The following CYP2B6 variants were observed in gnomAD, a reference collection of about 807,000 sequenced individuals.
The protein encoded by CYP2B6 is cytochrome P450 family 2 subfamily B member 6.
A neutral mutation model predicts 43.4 loss-of-function variants in CYP2B6; 35 were observed. The observed-to-expected ratio is 0.81, with a 90% CI of 0.62 to 1.07. The LOEUF (loss-of-function observed/expected upper bound fraction) is 1.07. Among genes scored for constraint, CYP2B6 ranks in the 50% least tolerant of loss-of-function variants. The probability of loss-of-function intolerance (pLI) is 0.00; values close to 1 mark genes in which losing one functional copy is unlikely to be tolerated. For synonymous variants in CYP2B6, 239 were observed against 239.2 expected, an observed-to-expected ratio of 1.00 and a Z score of 0.01; for missense variants, 624 against 632.8, an observed-to-expected ratio of 0.99 and a Z score of 0.15.
rs113314890 is a variant in CYP2B6 at position 41,015,999 on chromosome 19, T to TACACACACACACACAC, written c.1295-639_1295-624dup. 4.8e-3 allele frequency among the ~76,000 whole-genome samples: 726 copies of TACACACACACACACAC among 149,894 alleles called. 8 individuals carry two copies. The highest frequency in any genetic ancestry group is 0.016 in the African/African-American group (633 of 40,670). On this transcript the variant is annotated intron_variant, in intron 8 of 8. Transcript: ENST00000324071. The stretch of plus-strand genomic sequence containing the variant: ...GTGCTCACACTCACACATGTACAGG[T>TACACACACACACACAC]ACACACACACACACACACACACAGA...
At chr19:41,005,002 A>T (rs1420012783) in intron 3 of CYP2B6, among the ~76,000 whole-genome samples, 1 of 152,160 alleles carries the variant, frequency 6.6e-6, no homozygotes, top group African/African-American at 2.4e-5. Context: ...GTCTCAAACA[A>T]ACAAACAAAC....
chr19:40,994,424 C>A (rs1369194581), intron 1 of CYP2B6, among the ~76,000 whole-genome samples: 1 of 152,134 alleles, frequency 6.6e-6, no homozygotes, highest in Non-Finnish European at 1.5e-5. Context: ...AGGTGGGAAA[C>A]TTACTTTTTT....
intron 1 of CYP2B6, among the ~76,000 whole-genome samples, chr19:40,995,292 A>T (rs1261618572): frequency 5.7e-4 from 87 of 152,308 alleles, no homozygotes; most frequent in African/African-American, 2.1e-3. Flanking sequence ...TCTCCAACAG[A>T]CATACAGTTC....
chr19:41,007,813 A>G (rs567031801), intron 4 of CYP2B6, among the ~76,000 whole-genome samples: 2 of 151,968 alleles, frequency 1.3e-5, no homozygotes, highest in Non-Finnish European at 2.9e-5. Context: ...TTTAGTAGAG[A>G]CGGGGTTTCG....
chr19:41,004,147 A>G lies in CYP2B6; in HGVS notation c.318A>G (p.Pro106=). The G allele has an allele frequency of 7.9e-7, 1 of 1,269,816 alleles. No individual in the cohort carries two copies. The highest frequency in any genetic ancestry group is 1.0e-6 in the Non-Finnish European group (1 of 962,874). 78.7% of individuals were successfully genotyped at this position (1,269,816 alleles called of 1,614,324 possible). Residue 106 remains proline (P), a synonymous_variant, in exon 2 of 9, where the codon CCA becomes CCG. Coordinates refer to ENST00000324071, the MANE Select transcript of CYP2B6 (RefSeq NM_000767.5). ...GGGGAAAAATCGCCATGGTCGACCC[A>G]TTCTTCCGGGGATATGGTGAGAGCC... The part of the protein sequence containing the change: ...SGRGKIAMVD[P]FFRGYGVIFA...
chr19:41,002,116 T>A (rs1969100880), intron 1 of CYP2B6, among the ~76,000 whole-genome samples: 1 of 152,074 alleles, frequency 6.6e-6, no homozygotes, highest in African/African-American at 2.4e-5. Flanking sequence ...ATGTGAACCC[T>A]CAGTGGAGAC....
chr19:41,011,690 T>C (rs2144676001), intron 6 of CYP2B6, among the ~76,000 whole-genome samples: 1 of 152,312 alleles, frequency 6.6e-6, no homozygotes, highest in Non-Finnish European at 1.5e-5. Context: ...TTGAGAGGTT[T>C]GTAGCCTGGA....
intron 3 of CYP2B6, among the ~76,000 whole-genome samples, chr19:41,006,283 T>C (rs1236375787): frequency 1.3e-5 from 2 of 151,912 alleles, no homozygotes; most frequent in Non-Finnish European, 1.5e-5. Flanking sequence ...CCCTGGACTA[T>C]TTCAACTGGG....
intron 1 of CYP2B6, among the ~76,000 whole-genome samples, chr19:40,999,430 A>T (rs1360987263): frequency 1.3e-5 from 2 of 151,846 alleles, no homozygotes; most frequent in East Asian, 3.9e-4. Context: ...GTTTAATTAG[A>T]TCCCATTTGT....
At chr19:40,992,636 C>T (rs1968937748) in intron 1 of CYP2B6, among the ~76,000 whole-genome samples, 1 of 152,030 alleles carries the variant, frequency 6.6e-6, no homozygotes, top group African/African-American at 2.4e-5. Context: ...CCTCCTGCCT[C>T]AGCCCCCCAA....
intron 1 of CYP2B6, among the ~76,000 whole-genome samples, chr19:41,001,833 A>G (rs1969094404): frequency 6.6e-6 from 1 of 152,128 alleles, no homozygotes; most frequent in Non-Finnish European, 1.5e-5. Flanking sequence ...AAATAAACAG[A>G]TAAGGAAATG....
In CYP2B6 at chr19:41,004,021, C is replaced by T. The variant is rs534437956; in HGVS notation, c.192C>T (p.Asp64=). Residue 64 remains aspartate (D), a synonymous_variant, in exon 2 of 9, where the codon GAC becomes GAT. Coordinates refer to ENST00000324071, the MANE Select transcript of CYP2B6 (RefSeq NM_000767.5). ...SFLRFREKYG[D]VFTVHLGPRP... ...GGCAGTTCCGAGAGAAATATGGGGA[C>T]GTCTTCACGGTACACCTGGGACCGA... The T allele has an allele frequency of 1.6e-5, 26 of 1,613,014 alleles. No homozygotes were observed. Among genetic ancestry groups the T allele is most frequent in the Admixed American group, 1.0e-4 (6 of 60,014 alleles).
intron 4 of CYP2B6, 68 bp downstream of exon 4, chr19:41,007,133 A>G (rs1969203768): frequency 6.7e-7 from 1 of 1,502,434 alleles, no homozygotes; most frequent in Non-Finnish European, 9.3e-7. Flanking sequence ...CGAGAAAAGG[A>G]TGACCTGTCT....
rs190463703 is a variant in CYP2B6, at chr19:41,010,027, C to T, written c.856C>T (p.Gln286Ter). ...KSNAHSEFSH[Q>*]NLNLNTLSLF... ...CAACGCACACAGTGAATTCAGCCAC[C>T]AGAACCTCAACCTCAACACGCTCTC... The change falls in exon 6 of 9, where the codon CAG (glutamine) becomes TAG (stop). Residue 286 changes from glutamine (Q) to a stop codon, truncating the protein, a stop_gained. Transcript: ENST00000324071. LOFTEE classifies it high-confidence loss of function. The T allele has an allele frequency of 2.9e-5, 47 of 1,614,122 alleles. No individual in the cohort carries two copies. In the African/African-American group the frequency reaches 4.1e-4, roughly 14 times the overall value.
chr19:41,014,430 C>T (rs554906888), intron 8 of CYP2B6, among the ~76,000 whole-genome samples: 50 of 152,114 alleles, frequency 3.3e-4, no homozygotes, highest in Non-Finnish European at 5.6e-4. Context: ...CTCAGCCTCC[C>T]GAGTACCTGA....
intron 4 of CYP2B6, chr19:41,007,341 GA>G (rs1969207624): frequency 2.1e-6 from 1 of 467,280 alleles, no homozygotes; most frequent in South Asian, 2.5e-5. Flanking sequence ...AGACAAAGAA[GA>G]GCAGAAATCA....
chr19:40,994,536 C>A (rs1227820430), intron 1 of CYP2B6, among the ~76,000 whole-genome samples: 2 of 152,010 alleles, frequency 1.3e-5, no homozygotes, highest in Non-Finnish European at 2.9e-5. Context: ...GAGTTGGGGT[C>A]GTGCTATGTT....
chr19:41,016,694 T>A lies in CYP2B6; in HGVS notation c.1343T>A (p.Leu448His). 1 of 1,614,222 alleles carries A rather than the reference T, an allele frequency of 6.2e-7. No homozygotes were observed. The highest frequency in any genetic ancestry group is 8.5e-7 in the Non-Finnish European group (1 of 1,180,024). The change falls in exon 9 of 9, where the codon CTC becomes CAC. Residue 448 changes from leucine to histidine, a missense_variant. Transcript: ENST00000324071. The stretch of plus-strand genomic sequence containing the variant: ...GGCATCGCCCGTGCGGAATTGTTCC[T>A]CTTCTTCACCACCATCCTCCAGAAC... ...GEGIARAELF[L>H]FFTTILQNFS...
At chr19:40,998,029 T>C (rs1969022973) in intron 1 of CYP2B6, among the ~76,000 whole-genome samples, 1 of 151,950 alleles carries the variant, frequency 6.6e-6, no homozygotes, top group Non-Finnish European at 1.5e-5. Context: ...TTGAGCCTTG[T>C]AGTTTGAGGC....
Sources: gnomAD v4.1 joint callset for allele counts (sites outside exome capture counted in the v4.1 genomes callset) on GRCh38, gnomAD v4.1.1 for gene constraint, MANE v1.5 for transcripts, NCBI Gene and HGNC (gene_info 2026-07-23, HGNC 2026-07-21) for gene names.